BEND3: variants seen among roughly 807,000 people sequenced by gnomAD.
BEND3 encodes BEN domain-containing protein 3.
Under a neutral mutation model 60.1 loss-of-function variants are expected in BEND3, and 13 were observed. That is an observed-to-expected ratio of 0.22 (90% CI 0.14 to 0.34). BEND3 has a LOEUF of 0.34. Ranked by LOEUF, BEND3 falls within the 10% of genes least tolerant of loss-of-function variation. The pLI, the probability that BEND3 is intolerant of heterozygous loss-of-function variation, is 1.00. For synonymous variants in BEND3, 497 were observed against 491.5 expected (o/e 1.01, Z -0.15); for missense variants, 896 against 1,138.1 (o/e 0.79, Z 3.06).
intron 3 of BEND3, among the ~76,000 whole-genome samples, chr6:107,096,203 AG>A (rs1180195585): frequency 1.3e-5 from 2 of 152,352 alleles, no homozygotes; most frequent in East Asian, 3.9e-4. Flanking sequence ...TATAAAATAA[AG>A]TCTGTTAAAA....
intron 1 of BEND3, among the ~76,000 whole-genome samples, chr6:107,102,897 C>T (rs914662328): frequency 1.5e-4 from 23 of 152,212 alleles, no homozygotes; most frequent in Non-Finnish European, 2.2e-4. Flanking sequence ...GGACAGGTAA[C>T]TCCTCCAGTG....
chr6:107,065,745 A>G lies in BEND3; in HGVS notation c.*2959T>C, dbSNP rs1194839446. Reference sequence around the variant, plus strand: ...TAAATAGCCAATCTATTCACCACTAAGTAGATCCCATTGGTTGGTTGGTTG... The same window carrying G: ...TAAATAGCCAATCTATTCACCACTAGGTAGATCCCATTGGTTGGTTGGTTG... On this transcript the variant is annotated 3_prime_UTR_variant, in exon 4 of 4. Transcript: ENST00000369042. The G allele has an allele frequency of 6.6e-6, 1 of 152,208 alleles. No individual in the cohort carries two copies. Among genetic ancestry groups the G allele is most frequent in the Non-Finnish European group, 1.5e-5 (1 of 68,042 alleles). The allele number at this position is 152,208 out of a possible 1,614,324, so 9.4% of individuals were successfully genotyped here.
chr6:107,097,790 CAAAAAAAAAAA>C (rs10674719), intron 3 of BEND3, among the ~76,000 whole-genome samples: 12 of 53,360 alleles, frequency 2.2e-4, no homozygotes, highest in South Asian at 1.8e-3. Context: ...AACTCCGTCT[CAAAAAAAAAAA>C]AAAAAAAAAA....
At chr6:107,080,344 G>A (rs1323023378) in intron 3 of BEND3, among the ~76,000 whole-genome samples, 1 of 88,732 alleles carries the variant, frequency 1.1e-5, no homozygotes, top group Non-Finnish European at 2.0e-5. Context: ...CACAGAATGA[G>A]ATCCCATCTC....
intron 3 of BEND3, among the ~76,000 whole-genome samples, chr6:107,081,006 A>T (rs541660444): frequency 6.6e-6 from 1 of 152,298 alleles, no homozygotes; most frequent in Non-Finnish European, 1.5e-5. Context: ...CTGTTGCCCA[A>T]GCTGGAGTGC....
chr6:107,071,006 C>T, intron 3 of BEND3, 56 bp from the exon 4 acceptor site: 1 of 1,508,192 alleles, frequency 6.6e-7, no homozygotes, highest in Non-Finnish European at 8.9e-7. Context: ...GTTTATGACA[C>T]TAAACAAGGG....
At chr6:107,098,997 G>T (rs991996258) in intron 2 of BEND3, among the ~76,000 whole-genome samples, 2 of 152,160 alleles carry the variant, frequency 1.3e-5, no homozygotes, top group South Asian at 4.2e-4. Context: ...TCTTTTTTTG[G>T]GGGGGAAGAC....
chr6:107,089,176 G>A (rs547109819), intron 3 of BEND3, among the ~76,000 whole-genome samples: 100 of 151,572 alleles, frequency 6.6e-4, no homozygotes, highest in South Asian at 1.7e-3. Context: ...CAATGAAAAC[G>A]TTTAAAACAT....
At chr6:107,075,324 G>A (rs909356533) in intron 3 of BEND3, among the ~76,000 whole-genome samples, 2 of 152,120 alleles carry the variant, frequency 1.3e-5, no homozygotes, top group Non-Finnish European at 2.9e-5. Context: ...AGTAAATCAA[G>A]TTAAGAGTTT....
At chr6:107,113,337 C>T (rs1256425041) in intron 1 of BEND3, among the ~76,000 whole-genome samples, 1 of 148,292 alleles carries the variant, frequency 6.7e-6, no homozygotes, top group African/African-American at 2.5e-5. Flanking sequence ...CTCCGTGAGG[C>T]TGAGGCAGGA....
chr6:107,094,924 G>A (rs1484223372), intron 3 of BEND3, among the ~76,000 whole-genome samples: 2 of 148,994 alleles, frequency 1.3e-5, no homozygotes, highest in Admixed American at 6.8e-5. Flanking sequence ...AGGCTCAGGC[G>A]ATCCTCCCAC....
In BEND3 at chr6:107,098,718, C is replaced by A. The variant is rs1554236374; in HGVS notation, c.73G>T (p.Ala25Ser). Reference sequence around the variant, plus strand: ...GAGCAGTCCAGAGCAGCATCTTCAGCCTCTGTCTCCACTTTCACAGTGATA... The same window carrying A: ...GAGCAGTCCAGAGCAGCATCTTCAGACTCTGTCTCCACTTTCACAGTGATA... ...KSITVKVETE[A>S]EDAALDCSVN... Residue 25 changes from alanine (A) to serine (S), a missense_variant, in exon 3 of 4, where the codon GCT becomes TCT. Physicochemically the swap from Ala to Ser is moderately conservative, Grantham distance 99. Transcript: ENST00000369042. The A allele has an allele frequency of 3.7e-6, 6 of 1,614,108 alleles. No individual in the cohort carries two copies. Among genetic ancestry groups the A allele is most frequent in the Non-Finnish European group, 5.1e-6 (6 of 1,180,034 alleles).
intron 3 of BEND3, among the ~76,000 whole-genome samples, chr6:107,072,501 T>G (rs1486936814): frequency 6.6e-6 from 1 of 152,154 alleles, no homozygotes; most frequent in Non-Finnish European, 1.5e-5. Context: ...CACAAAACAG[T>G]GCATGAGGTG....
chr6:107,093,314 A>G (rs974636899), intron 3 of BEND3, among the ~76,000 whole-genome samples: 47 of 152,136 alleles, frequency 3.1e-4, no homozygotes, highest in African/African-American at 1.1e-3. Context: ...CAAAAAAATT[A>G]GCCGGGCGTG....
intron 3 of BEND3, among the ~76,000 whole-genome samples, chr6:107,073,558 C>G (rs772117429): frequency 1.3e-5 from 2 of 152,058 alleles, no homozygotes; most frequent in Non-Finnish European, 2.9e-5. Context: ...GTCAACCACA[C>G]GTGAATAAAG....
intron 1 of BEND3, among the ~76,000 whole-genome samples, chr6:107,112,869 AAAAG>A (rs1325643391): frequency 5.3e-5 from 8 of 151,912 alleles, no homozygotes; most frequent in South Asian, 2.1e-4. Flanking sequence ...AAAAAAAAAA[AAAAG>A]AAAGGCTGGG....
In BEND3 at chr6:107,070,787, G is replaced by A. The variant is rs782298498; in HGVS notation, c.404C>T (p.Ser135Leu). Residue 135 changes from serine (S) to leucine (L), a missense_variant, in exon 4 of 4, where the codon TCG (serine) becomes TTG (leucine). Around this residue, in one of 4 missense-constraint regions of BEND3, gnomAD observed 846 missense variants for 1,036.7 expected, o/e 0.82. Transcript: ENST00000369042. The surrounding 1 kb of genome is among the most constrained non-coding windows in gnomAD (Gnocchi z 6.9). The part of the protein sequence containing the change: ...PSYKKPLYGI[S>L]HKIMEKKNPP... ...ATTCTTCTTCTCCATGATCTTGTGC[G>A]AGATGCCATACAGAGGCTTCTTGTA... 1.4e-5 allele frequency: 23 copies of A among 1,613,958 alleles called. No individual in the cohort carries two copies. Among genetic ancestry groups the A allele is most frequent in the Admixed American group, 1.3e-4 (8 of 59,984 alleles).
Position 107,066,569 on chromosome 6 carries a change from A to T in BEND3, c.*2135T>A, listed in dbSNP as rs1404002737. 4 of 152,640 alleles carry T rather than the reference A, an allele frequency of 2.6e-5. No individual in the cohort carries two copies. Among genetic ancestry groups the T allele is most frequent in the African/African-American group, 9.7e-5 (4 of 41,448 alleles). The allele number at this position is 152,640 out of a possible 1,614,324, so 9.5% of individuals were successfully genotyped here. A position where few individuals can be genotyped will look rare whatever the true frequency, so the allele number is the denominator to read the frequency against. ...GATGGGAGTTTCAAAAAAATTATTA[A>T]TAAATGATTGTGCTTCTAAAGTTGC... On this transcript the variant is annotated 3_prime_UTR_variant, in exon 4 of 4. Coordinates refer to ENST00000369042, the MANE Select transcript of BEND3 (RefSeq NM_001367314.1).
At chr6:107,105,749 G>A (rs1468620859) in intron 1 of BEND3, among the ~76,000 whole-genome samples, 1 of 152,208 alleles carries the variant, frequency 6.6e-6, no homozygotes, top group East Asian at 1.9e-4. Context: ...ATTTTACCCT[G>A]CTAGATCAGA....
Sources: gnomAD v4.1 joint callset for allele counts (sites outside exome capture counted in the v4.1 genomes callset) on GRCh38, gnomAD v4.1.1 for gene constraint, gnomAD v4.1.1 regional missense constraint, Gnocchi (gnomAD v3.1) non-coding constraint, MANE v1.5 for transcripts, NCBI Gene and HGNC (gene_info 2026-07-23, HGNC 2026-07-21) for gene names.